The following GPC5 variants were observed in gnomAD, a reference collection of about 807,000 sequenced individuals.
GPC5 encodes glypican 5.
Under a neutral mutation model 53.9 loss-of-function variants are expected in GPC5, and 47 were observed. That is an observed-to-expected ratio of 0.87 (90% CI 0.69 to 1.11). The LOEUF is 1.11. Among genes scored for constraint, GPC5 ranks in the 50% most tolerant of loss-of-function variants. The pLI is 0.00. For missense variants in GPC5, 748 were observed against 713.1 expected, an observed-to-expected ratio of 1.05 and a Z score of -0.56; for synonymous variants, 286 against 263.3, an observed-to-expected ratio of 1.09 and a Z score of -0.84.
intron 3 of GPC5, among the ~76,000 whole-genome samples, chr13:91,710,603 C>A (rs1056321415): frequency 2.6e-5 from 4 of 152,166 alleles, no homozygotes; most frequent in Admixed American, 1.3e-4. Context: ...TCTTCCATTT[C>A]TTAATTCAGG....
chr13:91,879,580 G>C (rs2138946742), intron 5 of GPC5, among the ~76,000 whole-genome samples: 1 of 152,122 alleles, frequency 6.6e-6, no homozygotes, highest in East Asian at 1.9e-4. Context: ...AGGAACAAGG[G>C]AGTTCTATGG....
intron 7 of GPC5, among the ~76,000 whole-genome samples, chr13:92,423,811 G>C (rs143515882): frequency 3.5e-3 from 535 of 152,270 alleles, no homozygotes; most frequent in African/African-American, 0.012. Flanking sequence ...GTTATGACCT[G>C]AGGATCTATC....
At position 91,770,616 on chromosome 13, in the gene GPC5, A is replaced by T. The variant is rs568630883; in HGVS notation, c.1280+14196A>T. ...GGTCTTAGACACTATGTGTCAGGAA[A>T]TGGGGTCAAGGACCAAATATTAGAC... On this transcript the variant is annotated intron_variant, in intron 5 of 7. Coordinates refer to ENST00000377067, the MANE Select transcript of GPC5 (RefSeq NM_004466.6). Among the ~76,000 whole-genome samples the T allele has an allele frequency of 2.6e-5, 4 of 152,182 alleles. No homozygotes were observed. The East Asian group carries it at 7.7e-4, about 29-fold the overall frequency.
At chr13:92,573,627 C>T (rs1275325618) in intron 7 of GPC5, among the ~76,000 whole-genome samples, 1 of 152,064 alleles carries the variant, frequency 6.6e-6, no homozygotes, top group East Asian at 1.9e-4. Context: ...GATATAGTGA[C>T]ATTACAAGAG....
chr13:92,179,142 G>T (rs1357012493), intron 7 of GPC5, among the ~76,000 whole-genome samples: 4 of 151,832 alleles, frequency 2.6e-5, no homozygotes, highest in African/African-American at 9.7e-5. Context: ...AGTTTCTTTG[G>T]GAGTTAAGTA....
At chr13:91,547,203 T>G (rs972536868) in intron 2 of GPC5, among the ~76,000 whole-genome samples, 1 of 152,048 alleles carries the variant, frequency 6.6e-6, no homozygotes, top group African/African-American at 2.4e-5. Context: ...CTAGAGATGT[T>G]CAGAAGATAT....
chr13:91,643,644 A>G (rs1594371716), intron 2 of GPC5, among the ~76,000 whole-genome samples: 1 of 152,322 alleles, frequency 6.6e-6, no homozygotes, highest in East Asian at 1.9e-4. Flanking sequence ...TGAGGCTGGG[A>G]AGTCCAAGAC....
At chr13:91,697,972 G>T (rs977869758) in intron 3 of GPC5, among the ~76,000 whole-genome samples, 1 of 151,366 alleles carries the variant, frequency 6.6e-6, no homozygotes, top group Middle Eastern at 3.4e-3. Flanking sequence ...CGCGATCTTG[G>T]CTCACTGCAT....
intron 2 of GPC5, among the ~76,000 whole-genome samples, chr13:91,663,622 T>A (rs901031083): frequency 1.3e-5 from 2 of 151,552 alleles, no homozygotes; most frequent in African/African-American, 4.9e-5. Context: ...CACACCTGGC[T>A]AATTAAAAAC....
intron 7 of GPC5, among the ~76,000 whole-genome samples, chr13:92,396,781 C>T (rs1875299308): frequency 1.3e-5 from 2 of 152,192 alleles, no homozygotes; most frequent in Non-Finnish European, 2.9e-5. Flanking sequence ...AATAAAATCG[C>T]TGTCTTGTAG....
intron 2 of GPC5, among the ~76,000 whole-genome samples, chr13:91,548,577 T>A (rs2030434257): frequency 6.6e-6 from 1 of 152,160 alleles, no homozygotes; most frequent in Non-Finnish European, 1.5e-5. Context: ...AAAAATCTTA[T>A]GAAGTTATTT....
intron 7 of GPC5, among the ~76,000 whole-genome samples, chr13:92,579,988 T>C (rs1461493791): frequency 6.6e-6 from 1 of 152,204 alleles, no homozygotes; most frequent in Non-Finnish European, 1.5e-5. Flanking sequence ...AAAAACTTTC[T>C]CCGTGTTTGA....
chr13:92,552,978 T>C (rs545803958), intron 7 of GPC5, among the ~76,000 whole-genome samples: 1 of 152,090 alleles, frequency 6.6e-6, no homozygotes, highest in African/African-American at 2.4e-5. Context: ...GAAGGCTTTA[T>C]TTATGACTGT....
At chr13:92,384,181 G>T (rs2043773330) in intron 7 of GPC5, among the ~76,000 whole-genome samples, 1 of 150,438 alleles carries the variant, frequency 6.6e-6, no homozygotes, top group Non-Finnish European at 1.5e-5. Flanking sequence ...TAGGTAACTA[G>T]AACTAATTGG....
In GPC5 at chr13:92,813,700, C is replaced by A. The variant is rs1007840071; in HGVS notation, c.1562-52582C>A. On this transcript the variant is annotated intron_variant, in intron 7 of 7. Coordinates refer to ENST00000377067, the MANE Select transcript of GPC5 (RefSeq NM_004466.6). ...TATTCTTTACCAAAAATGTACAATT[C>A]TTCTACACTGAAAATTGCAAAGCAT... is the stretch of plus-strand genomic sequence containing the variant. Among the ~76,000 whole-genome samples the A allele has an allele frequency of 3.9e-4, 60 of 152,064 alleles. 1 individual carries two copies. Among genetic ancestry groups the A allele is most frequent in the African/African-American group, 1.4e-3 (57 of 41,366 alleles).
At chr13:91,487,889 G>T (rs1883705876) in intron 2 of GPC5, among the ~76,000 whole-genome samples, 1 of 150,014 alleles carries the variant, frequency 6.7e-6, no homozygotes, top group African/African-American at 2.5e-5. Context: ...TTTGCCAAGA[G>T]AATACCATGT....
chr13:91,457,888 T>C (rs1179451372), intron 2 of GPC5, among the ~76,000 whole-genome samples: 1 of 152,134 alleles, frequency 6.6e-6, no homozygotes, highest in African/African-American at 2.4e-5. Context: ...GTGCCAGCAC[T>C]GTTTAAAGTG....
chr13:92,111,005 C>T (rs1312596324), intron 6 of GPC5, among the ~76,000 whole-genome samples: 1 of 152,124 alleles, frequency 6.6e-6, no homozygotes, highest in African/African-American at 2.4e-5. Flanking sequence ...ATAAAATATA[C>T]CTGCCTTGAA....
intron 7 of GPC5, among the ~76,000 whole-genome samples, chr13:92,413,241 C>T (rs1378150834): frequency 2.0e-5 from 3 of 152,166 alleles, no homozygotes; most frequent in African/African-American, 4.8e-5. Flanking sequence ...CTAAGCCATG[C>T]ATTATACTGA....
Sources: allele counts gnomAD v4.1 joint callset (sites outside exome capture counted in the v4.1 genomes callset), GRCh38; gene constraint gnomAD v4.1.1; transcripts MANE v1.5; gene names NCBI Gene and HGNC (gene_info 2026-07-23, HGNC 2026-07-21).